EPHA6: variants seen among roughly 807,000 people sequenced by gnomAD.
The protein encoded by EPHA6 is ephrin type-A receptor 6.
A neutral mutation model predicts 112.0 loss-of-function variants in EPHA6; 50 were observed. The ratio of observed to expected loss-of-function variants is 0.45; its 90% CI spans 0.36 to 0.56. The LOEUF is 0.56. Ranked by LOEUF, EPHA6 falls within the 20% of genes least tolerant of loss-of-function variation. The pLI, the probability that EPHA6 is intolerant of heterozygous loss-of-function variation, is 0.00. For synonymous variants in EPHA6, 529 were observed against 490.7 expected (o/e 1.08, Z -1.03); for missense variants, 1,280 against 1,417.4 (o/e 0.90, Z 1.56).
chr3:97,275,367 A>G (rs2080035816), intron 5 of EPHA6, among the ~76,000 whole-genome samples: 2 of 152,178 alleles, frequency 1.3e-5, no homozygotes, highest in South Asian at 4.2e-4. Context: ...CAGCCCAGGT[A>G]ATTTGCTGAG....
At chr3:97,056,208 C>T (rs142338784) in intron 3 of EPHA6, among the ~76,000 whole-genome samples, 4 of 152,224 alleles carry the variant, frequency 2.6e-5, no homozygotes, top group East Asian at 1.9e-4. Context: ...ACCTACCTTA[C>T]GTCTATTGGT....
intron 2 of EPHA6, among the ~76,000 whole-genome samples, chr3:96,940,736 C>G (rs1450746319): frequency 6.6e-5 from 10 of 152,078 alleles, no homozygotes; most frequent in African/African-American, 2.4e-4. Flanking sequence ...GTGGCTGGTA[C>G]CGGTTGTTCC....
intron 2 of EPHA6, among the ~76,000 whole-genome samples, chr3:96,867,828 A>G (rs1303320077): frequency 6.6e-6 from 1 of 151,930 alleles, no homozygotes; most frequent in East Asian, 1.9e-4. Context: ...TTGACATTTT[A>G]CAACAACAGT....
intron 5 of EPHA6, among the ~76,000 whole-genome samples, chr3:97,324,427 T>TTCTTTCTTTCTC (rs2082285694): frequency 1.4e-5 from 2 of 146,434 alleles, no homozygotes; most frequent in Admixed American, 1.4e-4. Flanking sequence ...CTTTCTTTCT[T>TTCTTTCTTTCTC]TCTTTCTTTC....
At chr3:97,679,933 T>C (rs2031726009) in intron 14 of EPHA6, among the ~76,000 whole-genome samples, 1 of 152,180 alleles carries the variant, frequency 6.6e-6, no homozygotes, top group African/African-American at 2.4e-5. Flanking sequence ...TTGCCTTACA[T>C]GGGCAATTTA....
chr3:96,866,309 A>G (rs2036306940), intron 1 of EPHA6, among the ~76,000 whole-genome samples: 1 of 152,064 alleles, frequency 6.6e-6, no homozygotes. Context: ...CCATAAGTAA[A>G]CTACCTAGTG....
chr3:96,845,443 AG>A (rs2035013589), intron 1 of EPHA6, among the ~76,000 whole-genome samples: 1 of 152,066 alleles, frequency 6.6e-6, no homozygotes, highest in African/African-American at 2.4e-5. Flanking sequence ...TCCTCACATC[AG>A]TAACTCTGAT....
intron 3 of EPHA6, among the ~76,000 whole-genome samples, chr3:97,214,090 G>A (rs1349867952): frequency 6.6e-6 from 1 of 151,282 alleles, no homozygotes; most frequent in Non-Finnish European, 1.5e-5. Context: ...CCAGGCTGGA[G>A]TGCAGTGGTG....
chr3:97,735,822 T>G (rs1038342367), intron 15 of EPHA6, 103 bp from the exon 16 acceptor site: 4 of 832,158 alleles, frequency 4.8e-6, no homozygotes, highest in East Asian at 5.4e-5. Flanking sequence ...GTAGTTTTCA[T>G]GCTTACCATT....
At chr3:96,872,870 C>A (rs2036714430) in intron 2 of EPHA6, among the ~76,000 whole-genome samples, 1 of 152,012 alleles carries the variant, frequency 6.6e-6, no homozygotes, top group African/African-American at 2.4e-5. Flanking sequence ...GTTCTTTGAG[C>A]TTCCCGAATC....
At chr3:97,667,884 T>C (rs2030320254) in intron 14 of EPHA6, among the ~76,000 whole-genome samples, 1 of 152,188 alleles carries the variant, frequency 6.6e-6, no homozygotes, top group African/African-American at 2.4e-5. Flanking sequence ...TTCAAGTCTG[T>C]GTTGACTCGC....
chr3:96,887,721 G>A (rs1386593311), intron 2 of EPHA6, among the ~76,000 whole-genome samples: 2 of 152,070 alleles, frequency 1.3e-5, no homozygotes, highest in African/African-American at 4.8e-5. Flanking sequence ...GTCAGGGCGG[G>A]GCTAGGTGTA....
At chr3:97,741,830 T>A (rs1576387391) in intron 16 of EPHA6, among the ~76,000 whole-genome samples, 1 of 152,272 alleles carries the variant, frequency 6.6e-6, no homozygotes, top group East Asian at 1.9e-4. Context: ...AGATGGAGTC[T>A]ATTAAAATTC....
At chr3:97,451,858 T>A (rs1408847603) in intron 7 of EPHA6, among the ~76,000 whole-genome samples, 1 of 151,902 alleles carries the variant, frequency 6.6e-6, no homozygotes, top group African/African-American at 2.4e-5. Flanking sequence ...AAGTTCTCTC[T>A]TGTGTATTCC....
At chr3:96,891,363 T>C (rs1447067848) in intron 2 of EPHA6, among the ~76,000 whole-genome samples, 1 of 152,170 alleles carries the variant, frequency 6.6e-6, no homozygotes, top group East Asian at 1.9e-4. Flanking sequence ...ATTCCACGTA[T>C]GTAAAATTCA....
At chr3:97,442,559 G>C (rs998453181) in intron 6 of EPHA6, among the ~76,000 whole-genome samples, 5 of 152,140 alleles carry the variant, frequency 3.3e-5, no homozygotes, top group African/African-American at 1.2e-4. Context: ...GACAGGACGA[G>C]ACTCTGCCTC....
chr3:97,587,601 T>C (rs1489369731), intron 11 of EPHA6, among the ~76,000 whole-genome samples: 1 of 152,170 alleles, frequency 6.6e-6, no homozygotes, highest in Non-Finnish European at 1.5e-5. Context: ...ATGCTACATA[T>C]TTATGGCCAG....
chr3:96,980,494 C>T (rs1204644494), intron 2 of EPHA6, among the ~76,000 whole-genome samples: 1 of 152,196 alleles, frequency 6.6e-6, no homozygotes, highest in African/African-American at 2.4e-5. Context: ...ATGATGCCTC[C>T]AGCTTTGTTC....
At chr3:96,886,813 T>C (rs1285065481) in intron 2 of EPHA6, among the ~76,000 whole-genome samples, 1 of 152,142 alleles carries the variant, frequency 6.6e-6, no homozygotes, top group Non-Finnish European at 1.5e-5. Flanking sequence ...AATGTTCTGT[T>C]TTGATGTGTT....
Sources: allele counts gnomAD v4.1 joint callset (sites outside exome capture counted in the v4.1 genomes callset), GRCh38; gene constraint gnomAD v4.1.1; transcripts MANE v1.5; gene names NCBI Gene and HGNC (gene_info 2026-07-23, HGNC 2026-07-21).